Variants in SP100 observed in about 807,000 individuals in gnomAD.
SP100 encodes nuclear autoantigen Sp-100.
In SP100, 84 loss-of-function variants were observed where a neutral mutation model predicts 130.0. That is an observed-to-expected ratio of 0.65 (90% CI 0.54 to 0.77). The LOEUF (loss-of-function observed/expected upper bound fraction) is 0.77, where lower values mean the gene tolerates loss of function less well. Among genes scored for constraint, SP100 ranks in the 30% least tolerant of loss-of-function variants. The pLI, the probability that SP100 is intolerant of heterozygous loss-of-function variation, is 0.00. For missense variants in SP100, 978 were observed against 1,052.2 expected, an observed-to-expected ratio of 0.93 and a Z score of 0.97; for synonymous variants, 331 against 351.7, an observed-to-expected ratio of 0.94 and a Z score of 0.66.
chr2:230,456,981 T>C (rs1337328847), intron 8 of SP100, among the ~76,000 whole-genome samples: 2 of 152,272 alleles, frequency 1.3e-5, no homozygotes, highest in Non-Finnish European at 2.9e-5. Context: ...TTGGTTTTTA[T>C]GTTTCTTGTT....
chr2:230,422,857 G>C (rs1188749550), intron 2 of SP100, among the ~76,000 whole-genome samples: 1 of 152,098 alleles, frequency 6.6e-6, no homozygotes, highest in Non-Finnish European at 1.5e-5. Context: ...CCACTCCTGG[G>C]TTGGATTTAT....
chr2:230,435,010 T>C (rs921528865), intron 2 of SP100, among the ~76,000 whole-genome samples: 1 of 152,214 alleles, frequency 6.6e-6, no homozygotes, highest in Non-Finnish European at 1.5e-5. Context: ...GTCTTTTTAT[T>C]TCTATACGAT....
intron 17 of SP100, among the ~76,000 whole-genome samples, chr2:230,486,974 C>A (rs1186911818): frequency 6.6e-6 from 1 of 152,158 alleles, no homozygotes; most frequent in African/African-American, 2.4e-5. Context: ...TAAATGTCTT[C>A]TTTTGAGAAG....
intron 2 of SP100, among the ~76,000 whole-genome samples, chr2:230,434,552 C>T (rs1218721107): frequency 6.6e-6 from 1 of 151,766 alleles, no homozygotes; most frequent in Non-Finnish European, 1.5e-5. Context: ...ACAATAAATA[C>T]ACAAATAAGT....
chr2:230,445,906 C>T (rs1476765777), intron 4 of SP100, among the ~76,000 whole-genome samples: 1 of 151,964 alleles, frequency 6.6e-6, no homozygotes, highest in Non-Finnish European at 1.5e-5. Context: ...GACAGCACCA[C>T]CCACCGCCCC....
At chr2:230,461,535 AG>A (rs1188349048) in intron 9 of SP100, 121 bp downstream of exon 9, 1 of 929,838 alleles carries the variant, frequency 1.1e-6, no homozygotes, top group African/African-American at 1.7e-5. Context: ...AGGAAGGGAA[AG>A]GGGCTGGCAC....
rs528986548 is a variant in SP100, at chr2:230,510,967, T to C, written c.2053-158T>C. On this transcript the variant is annotated intron_variant, in intron 23 of 28. Coordinates refer to ENST00000340126, the MANE Select transcript of SP100 (RefSeq NM_001080391.2). ...TCACTGACACATAATTTAGTGCTTT[T>C]TTATTCTTCAGTTAGATGTACAGGT... is the stretch of plus-strand genomic sequence containing the variant. 21 of 667,678 alleles carry C rather than the reference T, an allele frequency of 3.1e-5. No homozygotes were observed. The South Asian group carries it at 3.4e-4, about 11-fold the overall frequency. The allele number at this position is 667,678 out of a possible 1,614,324, so 41.4% of individuals were successfully genotyped here. A position where few individuals can be genotyped will look rare whatever the true frequency, so the allele number is the denominator to read the frequency against.
intron 2 of SP100, chr2:230,440,602 A>T (rs1418464714): frequency 6.7e-6 from 9 of 1,348,856 alleles, no homozygotes; most frequent in Non-Finnish European, 8.6e-6. Context: ...TTGGAAGCTC[A>T]ATGTTGTTGT....
intron 24 of SP100, among the ~76,000 whole-genome samples, chr2:230,518,371 A>G (rs1691022062): frequency 6.6e-6 from 1 of 151,860 alleles, no homozygotes; most frequent in Non-Finnish European, 1.5e-5. Context: ...AGAATTATAT[A>G]TATTAATTAG....
chr2:230,438,442 T>C (rs1201169601), intron 2 of SP100, among the ~76,000 whole-genome samples: 1 of 151,962 alleles, frequency 6.6e-6, no homozygotes, highest in Non-Finnish European at 1.5e-5. Context: ...CCCTTTCCCC[T>C]GAGTCCCCAA....
intron 2 of SP100, among the ~76,000 whole-genome samples, chr2:230,424,762 C>T (rs1034383057): frequency 5.9e-5 from 9 of 151,384 alleles, no homozygotes; most frequent in Non-Finnish European, 1.3e-4. Context: ...ATTTTCTTAA[C>T]TAAATATGGT....
chr2:230,482,145 TA>T (rs1311489275), intron 17 of SP100, among the ~76,000 whole-genome samples: 1 of 152,206 alleles, frequency 6.6e-6, no homozygotes, highest in African/African-American at 2.4e-5. Context: ...TATCCTTGTG[TA>T]ATTGGTCTGT....
intron 11 of SP100, among the ~76,000 whole-genome samples, chr2:230,465,397 T>C (rs2064890594): frequency 6.6e-6 from 1 of 152,024 alleles, no homozygotes; most frequent in South Asian, 2.1e-4. Flanking sequence ...AGACCCTGTC[T>C]CAAAAAAAAT....
intron 24 of SP100, chr2:230,516,033 C>T (rs995028746): frequency 1.3e-6 from 1 of 786,574 alleles, no homozygotes; most frequent in African/African-American, 2.2e-5. Context: ...AAAAAAAAAA[C>T]AGTTGCAGCT....
intron 16 of SP100, 75 bp from the exon 17 acceptor site, chr2:230,474,319 A>G (rs565825640): frequency 1.7e-4 from 133 of 765,518 alleles, no homozygotes; most frequent in Non-Finnish European, 2.7e-4. Flanking sequence ...CCTTCCATGC[A>G]GTGTGAATTG....
chr2:230,450,392 A>C (rs942320918), intron 8 of SP100, 137 bp downstream of exon 8: 6 of 628,696 alleles, frequency 9.5e-6, no homozygotes, highest in Non-Finnish European at 1.7e-5. Context: ...GGATGTATTT[A>C]TCATTACATG....
intron 8 of SP100, among the ~76,000 whole-genome samples, chr2:230,458,699 C>A (rs1434556770): frequency 6.6e-6 from 1 of 151,950 alleles, no homozygotes; most frequent in Non-Finnish European, 1.5e-5. Context: ...GAAGGAATGG[C>A]AAGTGGAGGG....
At chr2:230,442,410 C>G (rs1167279475) in intron 2 of SP100, among the ~76,000 whole-genome samples, 1 of 152,040 alleles carries the variant, frequency 6.6e-6, no homozygotes, top group Non-Finnish European at 1.5e-5. Flanking sequence ...ATAATGTGGT[C>G]TCATTATTAT....
In SP100 at chr2:230,491,056, C is replaced by T. The variant is rs193301460; in HGVS notation, c.1601-3360C>T. On this transcript the variant is annotated intron_variant, in intron 17 of 28. Transcript: ENST00000340126. ...TTGGGGAAGTTCTCCTGGATAATAT[C>T]CAGAAGTATGTTTTCCATCTTGTTT... Among the ~76,000 whole-genome samples, 387 of 152,298 alleles carry T rather than the reference C, an allele frequency of 2.5e-3. 2 individuals carry two copies. The highest frequency in any genetic ancestry group is 4.2e-3 in the Non-Finnish European group (284 of 68,028).
Sources: gnomAD v4.1 joint callset for allele counts (sites outside exome capture counted in the v4.1 genomes callset) on GRCh38, gnomAD v4.1.1 for gene constraint, MANE v1.5 for transcripts, NCBI Gene and HGNC (gene_info 2026-07-23, HGNC 2026-07-21) for gene names.